Variants in TWIST2 observed in about 807,000 individuals in gnomAD.
The protein encoded by TWIST2 is twist-related protein 2.
TWIST2 carries 1 observed loss-of-function variant against 11.6 expected under a neutral mutation model. The observed-to-expected ratio is 0.09, with a 90% CI of 0.03 to 0.41. The LOEUF is 0.41. Ranked by LOEUF, TWIST2 falls within the 10% of genes least tolerant of loss-of-function variation. The probability of loss-of-function intolerance (pLI) is 0.98; values close to 1 mark genes in which losing one functional copy is unlikely to be tolerated. For synonymous variants in TWIST2, 87 were observed against 96.6 expected (o/e 0.90, Z 0.58); for missense variants, 168 against 226.4 (o/e 0.74, Z 1.66).
At chr2:238,859,226 A>T (rs2106351497) in intron 1 of TWIST2, among the ~76,000 whole-genome samples, 1 of 152,078 alleles carries the variant, frequency 6.6e-6, no homozygotes, top group South Asian at 2.1e-4. Context: ...AAAAAAAAAA[A>T]AAAGTGTAAT....
At chr2:238,865,307 G>A (rs1044835351) in intron 1 of TWIST2, among the ~76,000 whole-genome samples, 5 of 152,158 alleles carry the variant, frequency 3.3e-5, no homozygotes, top group African/African-American at 1.2e-4. Flanking sequence ...CTACTGAGTC[G>A]GGTCATTATG....
At chr2:238,874,957 A>T (rs1465396095) in intron 1 of TWIST2, among the ~76,000 whole-genome samples, 1 of 152,084 alleles carries the variant, frequency 6.6e-6, no homozygotes, top group East Asian at 1.9e-4. Context: ...GGCTCTGTTG[A>T]TGACTTCATA....
At position 238,906,588 on chromosome 2, in the gene TWIST2, T is replaced by C. The variant is rs1033922267; in HGVS notation, c.*36-3254T>C. ...TCACACAATTTACACAACTTGCACA[T>C]GGACACACACTCACTCTGGACATTC... On this transcript the variant is annotated intron_variant, in intron 1 of 1. Transcript: ENST00000612363. Among the ~76,000 whole-genome samples the C allele has an allele frequency of 4.0e-5, 6 of 151,800 alleles. 1 individual carries two copies. Among genetic ancestry groups the C allele is most frequent in the Admixed American group, 2.6e-4 (4 of 15,250 alleles).
chr2:238,892,771 G>A (rs928426845), intron 1 of TWIST2, among the ~76,000 whole-genome samples: 1 of 152,106 alleles, frequency 6.6e-6, no homozygotes, highest in South Asian at 2.1e-4. Context: ...GTGAGCCGCC[G>A]CAACCGGCCT....
intron 1 of TWIST2, among the ~76,000 whole-genome samples, chr2:238,889,279 C>G (rs932726599): frequency 6.6e-6 from 1 of 152,180 alleles, no homozygotes; most frequent in African/African-American, 2.4e-5. Context: ...AATCATGACT[C>G]GGGCAAACTT....
rs772234931 is a variant in TWIST2 at position 238,864,373 on chromosome 2, G to A, written c.*35+15640G>A. Among the ~76,000 whole-genome samples, 10 of 152,336 alleles carry A rather than the reference G, an allele frequency of 6.6e-5. No homozygotes were observed. The highest frequency in any genetic ancestry group is 6.8e-3 in the Middle Eastern group (2 of 294). On this transcript the variant is annotated intron_variant, in intron 1 of 1. Transcript: ENST00000612363. This position sits in a 1 kb window ranked among gnomAD's most constrained non-coding sequence, Gnocchi z 4.7. The stretch of plus-strand genomic sequence containing the variant: ...AACTGCCAGGGTTAGTCCCCTCCGC[G>A]GGCCTCCTGCATGAATCAGAGCCGA...
intron 1 of TWIST2, among the ~76,000 whole-genome samples, chr2:238,888,204 TG>T (rs1359161444): frequency 6.6e-6 from 1 of 152,276 alleles, no homozygotes; most frequent in African/African-American, 2.4e-5. Context: ...GTAACCATTT[TG>T]CACTTTGCCT....
At chr2:238,856,715 C>T (rs1006258753) in intron 1 of TWIST2, among the ~76,000 whole-genome samples, 2 of 152,064 alleles carry the variant, frequency 1.3e-5, no homozygotes, top group Admixed American at 6.5e-5. Flanking sequence ...CTGCTGCTGG[C>T]CATGGGAGAC....
chr2:238,884,002 GAATTCCCCTAGGGTTAATCCA>G (rs1035914309), intron 1 of TWIST2, among the ~76,000 whole-genome samples: 8 of 152,096 alleles, frequency 5.3e-5, no homozygotes, highest in African/African-American at 7.2e-5. Flanking sequence ...GGGTTAATCT[GAATTCCCCTAGGGTTAATCCA>G]AATTCCCCTA....
chr2:238,878,812 C>T lies in TWIST2; in HGVS notation c.*35+30079C>T, dbSNP rs555693170. 3.5e-4 allele frequency among the ~76,000 whole-genome samples: 53 copies of T among 152,258 alleles called. No homozygotes were observed. The South Asian group carries it at 4.8e-3, about 14-fold the overall frequency. On this transcript the variant is annotated intron_variant, in intron 1 of 1. Coordinates refer to ENST00000612363, the MANE Select transcript of TWIST2 (RefSeq NM_001271893.4). ...GAGGCTGTCCCAGCAGTGGGGGGTCCGTGCTTTCAGCTGGAAACTCAGTGT... is the reference window on the plus strand; with the variant it reads ...GAGGCTGTCCCAGCAGTGGGGGGTCTGTGCTTTCAGCTGGAAACTCAGTGT...
chr2:238,899,041 C>T (rs1191709286), intron 1 of TWIST2, among the ~76,000 whole-genome samples: 2 of 152,252 alleles, frequency 1.3e-5, no homozygotes, highest in East Asian at 3.9e-4. Context: ...TGCCCTCCGG[C>T]GTCTGACCTG....
chr2:238,870,905 C>CCA (rs202112640), intron 1 of TWIST2, among the ~76,000 whole-genome samples: 10,774 of 31,556 alleles, frequency 0.34, 3,692 homozygotes, highest in Non-Finnish European at 0.44. Flanking sequence ...CACATCCCTC[C>CCA]CACACACCAC....
chr2:238,854,896 C>G (rs1692302396), intron 1 of TWIST2, among the ~76,000 whole-genome samples: 1 of 144,698 alleles, frequency 6.9e-6, no homozygotes. Flanking sequence ...AAAATGCAAG[C>G]AGGCAGCGTT....
chr2:238,899,073 C>T (rs1279945972), intron 1 of TWIST2, among the ~76,000 whole-genome samples: 1 of 152,236 alleles, frequency 6.6e-6, no homozygotes, highest in Admixed American at 6.5e-5. Context: ...CATTACTGGC[C>T]TCTTTGCTGT....
intron 1 of TWIST2, among the ~76,000 whole-genome samples, chr2:238,852,703 G>A (rs1296003166): frequency 6.6e-6 from 1 of 151,984 alleles, no homozygotes; most frequent in Non-Finnish European, 1.5e-5. Flanking sequence ...ACACACGAGT[G>A]TATGTAAAAC....
chr2:238,874,106 C>T (rs1014382279), intron 1 of TWIST2, among the ~76,000 whole-genome samples: 1 of 152,062 alleles, frequency 6.6e-6, no homozygotes, highest in Admixed American at 6.5e-5. Context: ...GAGGGGATGG[C>T]GATTGTCTGT....
intron 1 of TWIST2, among the ~76,000 whole-genome samples, chr2:238,873,758 A>G (rs1317960427): frequency 6.6e-6 from 1 of 152,178 alleles, no homozygotes; most frequent in African/African-American, 2.4e-5. Flanking sequence ...GAAAGGCTTG[A>G]TGAGTGGGCC....
At chr2:238,873,050 C>T (rs150855828) in intron 1 of TWIST2, among the ~76,000 whole-genome samples, 1 of 152,186 alleles carries the variant, frequency 6.6e-6, no homozygotes, top group Non-Finnish European at 1.5e-5. Flanking sequence ...GGAGACAAAT[C>T]TACTGACAGC....
At chr2:238,889,981 G>A (rs917681815) in intron 1 of TWIST2, among the ~76,000 whole-genome samples, 2 of 72,878 alleles carry the variant, frequency 2.7e-5, no homozygotes, top group Non-Finnish European at 4.0e-5. Context: ...TGGCCTGTGC[G>A]GAGGCTGCCC....
Sources: allele counts gnomAD v4.1 joint callset (sites outside exome capture counted in the v4.1 genomes callset), GRCh38; gene constraint gnomAD v4.1.1; non-coding constraint Gnocchi (gnomAD v3.1); transcripts MANE v1.5; gene names NCBI Gene and HGNC (gene_info 2026-07-23, HGNC 2026-07-21).